The following TMEM178B variants were observed in gnomAD, a reference collection of about 807,000 sequenced individuals.
TMEM178B encodes transmembrane protein 178B.
In TMEM178B, 5 loss-of-function variants were observed where a neutral mutation model predicts 31.0. The observed-to-expected ratio is 0.16, with a 90% confidence interval of 0.08 to 0.34. The LOEUF is 0.34. TMEM178B is among the 10% of genes least tolerant of loss of function. The pLI is 1.00. For missense variants in TMEM178B, 275 were observed against 400.3 expected, an observed-to-expected ratio of 0.69 and a Z score of 2.67; for synonymous variants, 164 against 164.0, an observed-to-expected ratio of 1.00 and a Z score of 0.00.
chr7:141,446,281 C>G (rs996249201), intron 3 of TMEM178B, among the ~76,000 whole-genome samples: 3 of 152,184 alleles, frequency 2.0e-5, no homozygotes, highest in Admixed American at 6.5e-5. Context: ...CAGAAGAGAA[C>G]AGGGAGCAGC....
intron 1 of TMEM178B, among the ~76,000 whole-genome samples, chr7:141,183,784 T>A (rs142882817): frequency 5.0e-4 from 76 of 152,302 alleles, no homozygotes; most frequent in African/African-American, 1.8e-3. Flanking sequence ...ATGATTATGA[T>A]GTTTGAGAAA....
intron 2 of TMEM178B, among the ~76,000 whole-genome samples, chr7:141,320,969 T>C (rs1245573582): frequency 2.6e-5 from 4 of 152,132 alleles, no homozygotes; most frequent in Non-Finnish European, 4.4e-5. Flanking sequence ...GAAATTGAGA[T>C]GTTTTTCAGT....
At chr7:141,404,939 AG>A (rs1220944295) in intron 2 of TMEM178B, among the ~76,000 whole-genome samples, 1 of 152,204 alleles carries the variant, frequency 6.6e-6, no homozygotes, top group Non-Finnish European at 1.5e-5. Context: ...CCCAAGGGCA[AG>A]GCTAGGGGTG....
rs180860896 is a variant in TMEM178B, at chr7:141,077,509, A to G, written c.382+2817A>G. On this transcript the variant is annotated intron_variant, in intron 1 of 3. Coordinates refer to ENST00000565468, the MANE Select transcript of TMEM178B (RefSeq NM_001195278.2). The stretch of plus-strand genomic sequence containing the variant: ...AAATCTATGTCTGATTTGAAGGTAA[A>G]GTCCTCTGGATTCATATTCATTCTG... 2.5e-3 allele frequency among the ~76,000 whole-genome samples: 388 copies of G among 152,370 alleles called. 3 individuals carry two copies. Among genetic ancestry groups the G allele is most frequent in the African/African-American group, 9.0e-3 (376 of 41,600 alleles).
chr7:141,294,724 G>A (rs1798602045), intron 2 of TMEM178B, among the ~76,000 whole-genome samples: 1 of 152,152 alleles, frequency 6.6e-6, no homozygotes, highest in African/African-American at 2.4e-5. Context: ...CTGAAGACCA[G>A]ACTCCTTGAG....
intron 2 of TMEM178B, among the ~76,000 whole-genome samples, chr7:141,294,816 T>C (rs111875795): frequency 0.015 from 2,327 of 152,306 alleles, 62 homozygotes; most frequent in African/African-American, 0.053. Flanking sequence ...TAGAATATAA[T>C]AGAGAATCTC....
chr7:141,326,861 G>T (rs6953465), intron 2 of TMEM178B, among the ~76,000 whole-genome samples: 1 of 152,104 alleles, frequency 6.6e-6, no homozygotes, highest in Non-Finnish European at 1.5e-5. Flanking sequence ...TGTGTTGTCC[G>T]ATATGGTAGC....
chr7:141,260,843 C>G (rs1798001843), intron 2 of TMEM178B, among the ~76,000 whole-genome samples: 4 of 152,178 alleles, frequency 2.6e-5, no homozygotes, highest in Admixed American at 2.0e-4. Flanking sequence ...TTTACACTTA[C>G]TGGGGCCACT....
chr7:141,383,389 C>T (rs1197607954), intron 2 of TMEM178B, among the ~76,000 whole-genome samples: 3 of 147,664 alleles, frequency 2.0e-5, no homozygotes, highest in Admixed American at 6.8e-5. Context: ...CCACAACAGG[C>T]CCCGGTGTGT....
At chr7:141,264,882 A>T (rs1045233556) in intron 2 of TMEM178B, among the ~76,000 whole-genome samples, 1 of 152,246 alleles carries the variant, frequency 6.6e-6, no homozygotes, top group African/African-American at 2.4e-5. Flanking sequence ...AATGACTATT[A>T]TAATGATAAA....
chr7:141,337,567 GAGATACTCAATAATTTGCCCAA>G (rs1238074433), intron 2 of TMEM178B, among the ~76,000 whole-genome samples: 5 of 152,168 alleles, frequency 3.3e-5, no homozygotes, highest in Non-Finnish European at 5.9e-5. Context: ...TTAAGGCCTA[GAGATACTCAATAATTTGCCCAA>G]GGTCATAGAG....
chr7:141,197,779 G>A (rs1477018137), intron 1 of TMEM178B, among the ~76,000 whole-genome samples: 1 of 152,066 alleles, frequency 6.6e-6, no homozygotes, highest in Admixed American at 6.5e-5. Context: ...TTATAGGCAT[G>A]CACCACCACA....
intron 2 of TMEM178B, among the ~76,000 whole-genome samples, chr7:141,388,898 C>CG (rs142465157): frequency 0.079 from 11,966 of 152,116 alleles, 553 homozygotes; most frequent in South Asian, 0.11. Flanking sequence ...AAGGAAGGTG[C>CG]AATGTTACCA....
intron 2 of TMEM178B, among the ~76,000 whole-genome samples, chr7:141,336,573 C>A (rs1799391939): frequency 6.6e-6 from 1 of 151,980 alleles, no homozygotes; most frequent in Non-Finnish European, 1.5e-5. Context: ...TGTAAAGTTC[C>A]TAACACAAGG....
chr7:141,419,928 C>A (rs1801173087), intron 2 of TMEM178B, among the ~76,000 whole-genome samples: 1 of 152,082 alleles, frequency 6.6e-6, no homozygotes, highest in Non-Finnish European at 1.5e-5. Context: ...GTATATAGAA[C>A]ATTTACTCTT....
At chr7:141,206,892 T>G (rs1202368380) in intron 1 of TMEM178B, among the ~76,000 whole-genome samples, 2 of 152,234 alleles carry the variant, frequency 1.3e-5, no homozygotes, top group Non-Finnish European at 2.9e-5. Context: ...ATCTCTTATT[T>G]ATCTTGCACA....
Position 141,170,028 on chromosome 7 carries a change from C to T in TMEM178B, c.383-42563C>T, listed in dbSNP as rs117182457. Among the ~76,000 whole-genome samples the T allele has an allele frequency of 6.0e-4, 92 of 152,278 alleles. No homozygotes were observed. The East Asian group carries it at 6.7e-3, about 11-fold the overall frequency. On this transcript the variant is annotated intron_variant, in intron 1 of 3. Coordinates refer to ENST00000565468, the MANE Select transcript of TMEM178B (RefSeq NM_001195278.2). The stretch of plus-strand genomic sequence containing the variant: ...TAAATACAATCAAGTGTGTATTTCA[C>T]ATTCTTTGGCTTTCCATTACTATTG...
At chr7:141,276,197 G>A (rs182995557) in intron 2 of TMEM178B, among the ~76,000 whole-genome samples, 14 of 152,278 alleles carry the variant, frequency 9.2e-5, no homozygotes, top group Non-Finnish European at 1.8e-4. Context: ...GGGTCATAGA[G>A]AGCCGGGTGT....
At chr7:141,499,370 A>G in the TMEM178B span, among the ~76,000 whole-genome samples, 1 of 150,938 alleles carries the variant, frequency 6.6e-6, no homozygotes, top group Non-Finnish European at 1.5e-5. Flanking sequence ...GCTTATGCCT[A>G]TAATCTCAGC....
Sources: allele counts gnomAD v4.1 joint callset (sites outside exome capture counted in the v4.1 genomes callset), GRCh38; gene constraint gnomAD v4.1.1; transcripts MANE v1.5; gene names NCBI Gene and HGNC (gene_info 2026-07-23, HGNC 2026-07-21).